The following COL4A2 variants were observed in gnomAD, a reference collection of about 807,000 sequenced individuals.
The protein encoded by COL4A2 is collagen type IV alpha 2 chain, also known as collagen alpha-2(IV) chain.
A neutral mutation model predicts 200.2 loss-of-function variants in COL4A2; 99 were observed. The observed-to-expected ratio is 0.49, with a 90% CI of 0.42 to 0.58. The LOEUF is 0.58. Ranked by LOEUF, COL4A2 falls within the 20% of genes least tolerant of loss-of-function variation. The pLI, the probability that COL4A2 is intolerant of heterozygous loss-of-function variation, is 0.00. For synonymous variants in COL4A2, 897 were observed against 900.6 expected (o/e 1.00, Z 0.07); for missense variants, 1,950 against 2,314.1 (o/e 0.84, Z 3.23).
At chr13:110,404,291 C>T (rs1879483699) in intron 4 of COL4A2, among the ~76,000 whole-genome samples, 1 of 152,322 alleles carries the variant, frequency 6.6e-6, no homozygotes, top group Non-Finnish European at 1.5e-5. Context: ...GATGCCGACT[C>T]ATATTTGAAG....
chr13:110,466,000 C>T lies in COL4A2; in HGVS notation c.1979-3C>T, dbSNP rs769345333. On this transcript the variant is annotated splice_polypyrimidine_tract_variant and splice_region_variant and intron_variant, in intron 25 of 47. Transcript: ENST00000360467. ...TCACTCTGTCCTTATGTCTTCCCCC[C>T]AGATTGTGACACAGATGTGAAAAGG... is the stretch of plus-strand genomic sequence containing the variant. 6.2e-7 allele frequency: 1 copy of T among 1,613,690 alleles called. No homozygotes were observed. The highest frequency in any genetic ancestry group is 1.3e-5 in the African/African-American group (1 of 75,032).
chr13:110,341,661 TTAAAGAC>T (rs1407398180), intron 3 of COL4A2, among the ~76,000 whole-genome samples: 4 of 152,218 alleles, frequency 2.6e-5, no homozygotes, highest in African/African-American at 9.6e-5. Context: ...GATACCGGCT[TTAAAGAC>T]GCCAGGCTGA....
chr13:110,506,241 G>A (rs146525317), intron 45 of COL4A2, among the ~76,000 whole-genome samples, 174 bp from the exon 46 acceptor site: 8 of 136,414 alleles, frequency 5.9e-5, no homozygotes, highest in African/African-American at 2.0e-4. Flanking sequence ...CGGGCTGCAG[G>A]TACACCAGGC....
chr13:110,403,170 G>A (rs1236079068), intron 4 of COL4A2, among the ~76,000 whole-genome samples: 1 of 152,124 alleles, frequency 6.6e-6, no homozygotes, highest in East Asian at 1.9e-4. Flanking sequence ...TGTTTGCTTG[G>A]CTACAATCTC....
At chr13:110,434,725 A>G (rs971781826) in intron 12 of COL4A2, among the ~76,000 whole-genome samples, 4 of 152,226 alleles carry the variant, frequency 2.6e-5, no homozygotes, top group Non-Finnish European at 5.9e-5. Context: ...GGAGGTGAGG[A>G]CATGTCACTG....
intron 14 of COL4A2, 86 bp from the exon 15 acceptor site, chr13:110,438,532 C>T (rs1880988664): frequency 6.5e-7 from 1 of 1,532,216 alleles, no homozygotes; most frequent in East Asian, 2.3e-5. Context: ...AACACAGAGT[C>T]CTGGAGCAGA....
At position 110,449,690 on chromosome 13, in the gene COL4A2, G is replaced by T. The variant is rs1337787954; in HGVS notation, c.1090G>T (p.Asp364Tyr). 6.5e-7 allele frequency: 1 copy of T among 1,548,698 alleles called. No homozygotes were observed. Among genetic ancestry groups the T allele is most frequent in the South Asian group, 1.2e-5 (1 of 83,928 alleles). ...HPSLAKGARG[D>Y]PGFPGAQGEP... ...TGTTTCCCTTCCAGGTGCCAGAGGT[G>T]ACCCGGGATTCCCAGGGGCCCAAGG... The change falls in exon 19 of 48, where the codon GAC becomes TAC. Residue 364 changes from aspartate (D) to tyrosine (Y), a missense_variant. Asp to Tyr is a radical substitution (Grantham distance 160, BLOSUM62 -3). Around this residue, in one of 2 missense-constraint regions of COL4A2, gnomAD observed 565 missense variants for 593.5 expected, o/e 0.95. Transcript: ENST00000360467.
At chr13:110,381,412 A>T (rs1237036568) in intron 4 of COL4A2, among the ~76,000 whole-genome samples, 1 of 152,244 alleles carries the variant, frequency 6.6e-6, no homozygotes, top group Non-Finnish European at 1.5e-5. Flanking sequence ...TTAGGAAAAA[A>T]ATGATTCTTT....
chr13:110,385,420 C>T (rs961688364), intron 4 of COL4A2, among the ~76,000 whole-genome samples: 1 of 97,356 alleles, frequency 1.0e-5, no homozygotes, highest in African/African-American at 3.8e-5. Flanking sequence ...TGTGGATAGA[C>T]TGTGGTTACA....
intron 30 of COL4A2, among the ~76,000 whole-genome samples, chr13:110,479,320 G>A (rs1217908663): frequency 4.2e-5 from 2 of 48,088 alleles, no homozygotes; most frequent in Non-Finnish European, 9.0e-5. Context: ...ACAAGGCCAC[G>A]CGGTCCCCGG....
intron 3 of COL4A2, among the ~76,000 whole-genome samples, chr13:110,331,071 T>TA (rs398117917): frequency 1.1e-4 from 16 of 152,160 alleles, no homozygotes; most frequent in African/African-American, 3.4e-4. Context: ...GCTTTTTTTT[T>TA]AAAGGAAATT....
chr13:110,382,542 G>A (rs987297699), intron 4 of COL4A2, among the ~76,000 whole-genome samples: 3 of 152,142 alleles, frequency 2.0e-5, no homozygotes, highest in African/African-American at 4.8e-5. Flanking sequence ...AACTCTGTGC[G>A]TAAACTTCTA....
intron 4 of COL4A2, among the ~76,000 whole-genome samples, chr13:110,404,170 A>G (rs1879478559): frequency 6.6e-6 from 1 of 152,250 alleles, no homozygotes; most frequent in African/African-American, 2.4e-5. Context: ...TTACTGCTCA[A>G]AACAAAGAAG....
At position 110,462,116 on chromosome 13, in the gene COL4A2, A is replaced by C; in HGVS notation, c.1599A>C (p.Gly533=). 1 of 1,614,244 alleles carries C rather than the reference A, an allele frequency of 6.2e-7. No homozygotes were observed. The highest frequency in any genetic ancestry group is 8.5e-7 in the Non-Finnish European group (1 of 1,180,046). The change falls in exon 23 of 48, where the codon GGA becomes GGC. Residue 533 remains glycine (G), a splice_region_variant and synonymous_variant. Coordinates refer to ENST00000360467, the MANE Select transcript of COL4A2 (RefSeq NM_001846.4). ...HGLPGFPGLK[G]VPGNIGAPGP... ...ATTTTTTTGTCTGTTTTCCACAGGG[A>C]GTGCCTGGCAACATTGGTGCTCCCG...
chr13:110,425,722 G>C (rs1421612953), intron 6 of COL4A2, among the ~76,000 whole-genome samples: 1 of 152,180 alleles, frequency 6.6e-6, no homozygotes, highest in Non-Finnish European at 1.5e-5. Flanking sequence ...GTGTGCCCGT[G>C]TCCTGCAGAG....
At position 110,407,306 on chromosome 13, in the gene COL4A2, G is replaced by A. The variant is rs146919099; in HGVS notation, c.181-17428G>A. Among the ~76,000 whole-genome samples, 521 of 152,314 alleles carry A rather than the reference G, an allele frequency of 3.4e-3. 5 individuals are homozygous for A. The highest frequency in any genetic ancestry group is 3.9e-3 in the Non-Finnish European group (265 of 68,030). Reference sequence around the variant, plus strand: ...AGAAGTGAGCGAGGAGGAATGATGCGTCAGTTCAGTTCACCAGGAGAAACG... The same window carrying A: ...AGAAGTGAGCGAGGAGGAATGATGCATCAGTTCAGTTCACCAGGAGAAACG... On this transcript the variant is annotated intron_variant, in intron 4 of 47. Transcript: ENST00000360467.
rs144827591 is a variant in COL4A2 at position 110,331,712 on chromosome 13, A to G, written c.99+23589A>G. Among the ~76,000 whole-genome samples the G allele has an allele frequency of 2.0e-3, 301 of 152,308 alleles. 2 individuals carry two copies. In the South Asian group the frequency reaches 0.035, roughly 18 times the overall value. ...AAAACCACCAACAAAAGAATGTGCTATCTAGTATTTACTCTCACAATGTTT... is the reference window on the plus strand; with the variant it reads ...AAAACCACCAACAAAAGAATGTGCTGTCTAGTATTTACTCTCACAATGTTT... On this transcript the variant is annotated intron_variant, in intron 3 of 47. Transcript: ENST00000360467.
chr13:110,453,479 G>A (rs1881616687), intron 20 of COL4A2, among the ~76,000 whole-genome samples: 1 of 151,806 alleles, frequency 6.6e-6, no homozygotes, highest in Non-Finnish European at 1.5e-5. Flanking sequence ...CCAGCCTGGG[G>A]AACAAGAGCA....
chr13:110,342,693 C>T (rs1470161607), intron 3 of COL4A2, among the ~76,000 whole-genome samples: 3 of 152,134 alleles, frequency 2.0e-5, no homozygotes, highest in Non-Finnish European at 2.9e-5. Flanking sequence ...CACAAGACCG[C>T]CCCCACGAAA....
Sources: gnomAD v4.1 joint callset for allele counts (sites outside exome capture counted in the v4.1 genomes callset) on GRCh38, gnomAD v4.1.1 for gene constraint, gnomAD v4.1.1 regional missense constraint, MANE v1.5 for transcripts, NCBI Gene and HGNC (gene_info 2026-07-23, HGNC 2026-07-21) for gene names.